Variants in ITGAE observed in about 807,000 individuals in gnomAD.
The protein encoded by ITGAE is integrin alpha-E.
In ITGAE, 99 loss-of-function variants were observed where a neutral mutation model predicts 136.5. The observed-to-expected ratio is 0.73, with a 90% CI of 0.62 to 0.86. ITGAE has a LOEUF of 0.86. Among genes scored for constraint, ITGAE ranks in the 40% least tolerant of loss-of-function variants. ITGAE has a pLI of 0.00. For synonymous variants in ITGAE, 613 were observed against 591.8 expected (o/e 1.04, Z -0.52); for missense variants, 1,447 against 1,515.3 (o/e 0.95, Z 0.75).
intron 24 of ITGAE, chr17:3,728,447 C>T: frequency 3.3e-6 from 1 of 306,720 alleles, no homozygotes; most frequent in Non-Finnish European, 6.0e-6. Context: ...GATCTCAGCT[C>T]ACTGCAACCT....
At chr17:3,731,594 G>C (rs1352705711) in intron 22 of ITGAE, among the ~76,000 whole-genome samples, 1 of 150,764 alleles carries the variant, frequency 6.6e-6, no homozygotes, top group African/African-American at 2.4e-5. Context: ...CACCCACCTC[G>C]GTCTCCCAAA....
intron 1 of ITGAE, among the ~76,000 whole-genome samples, chr17:3,777,877 C>T (rs2052581041): frequency 6.6e-6 from 1 of 152,074 alleles, no homozygotes; most frequent in Non-Finnish European, 1.5e-5. Context: ...CCCGAGCCCC[C>T]CTCCTCCAAG....
intron 30 of ITGAE, among the ~76,000 whole-genome samples, chr17:3,715,776 C>G (rs1459219075): frequency 6.6e-6 from 1 of 152,012 alleles, no homozygotes; most frequent in Non-Finnish European, 1.5e-5. Flanking sequence ...ATGGGAGGAT[C>G]ACCTGAGCCT....
chr17:3,787,589 C>G (rs1352530425), intron 1 of ITGAE, among the ~76,000 whole-genome samples: 1 of 152,072 alleles, frequency 6.6e-6, no homozygotes, highest in Non-Finnish European at 1.5e-5. Context: ...GTCTTCATGA[C>G]CATATGAACA....
intron 2 of ITGAE, among the ~76,000 whole-genome samples, chr17:3,776,351 C>T (rs2052539894): frequency 6.6e-6 from 1 of 152,006 alleles, no homozygotes; most frequent in Admixed American, 6.6e-5. Flanking sequence ...AGCCACCGCG[C>T]CCGGCAGAAC....
intron 1 of ITGAE, among the ~76,000 whole-genome samples, chr17:3,791,701 G>A (rs2052944712): frequency 6.6e-6 from 1 of 152,276 alleles, no homozygotes; most frequent in East Asian, 1.9e-4. Context: ...CGGAGATCTT[G>A]TTAAAATGCA....
chr17:3,778,516 T>C (rs961203870), intron 1 of ITGAE, among the ~76,000 whole-genome samples: 4 of 152,120 alleles, frequency 2.6e-5, no homozygotes, highest in Non-Finnish European at 5.9e-5. Flanking sequence ...TGAGCCGAGA[T>C]TGCACCGCTG....
chr17:3,755,064 A>AGGCCCCGCCCTCCTCAGGT (rs1567535479), intron 12 of ITGAE, 53 bp downstream of exon 12: 6 of 752,372 alleles, frequency 8.0e-6, no homozygotes, highest in South Asian at 1.7e-5. Flanking sequence ...GGGAGCCTCC[A>AGGCCCCGCCCTCCTCAGGT]GGCCCCGCCC....
At position 3,761,194 on chromosome 17, in the gene ITGAE, G is replaced by A. The variant is rs1265637903; in HGVS notation, c.434-17C>T. ...GGAGATTTTCTTTAAAAACACACAT[G>A]GAAGAGCTCAGAGTCAGAAAGGCTC... On this transcript the variant is annotated splice_polypyrimidine_tract_variant and intron_variant, in intron 5 of 30. Transcript: ENST00000263087. 1 of 1,608,286 alleles carries A rather than the reference G, an allele frequency of 6.2e-7. No homozygotes were observed. The highest frequency in any genetic ancestry group is 8.5e-7 in the Non-Finnish European group (1 of 1,178,024).
intron 19 of ITGAE, among the ~76,000 whole-genome samples, chr17:3,740,440 G>A (rs146907408): frequency 3.5e-4 from 54 of 152,232 alleles, no homozygotes; most frequent in African/African-American, 1.1e-3. Flanking sequence ...GCAATGGCGC[G>A]ATCTCGGCTC....
At chr17:3,782,139 G>A (rs1295634261) in intron 1 of ITGAE, among the ~76,000 whole-genome samples, 1 of 151,632 alleles carries the variant, frequency 6.6e-6, no homozygotes, top group Non-Finnish European at 1.5e-5. Flanking sequence ...GCCGGGCATG[G>A]TGGCGGGTGC....
At chr17:3,770,553 C>T (rs1331972495) in intron 2 of ITGAE, among the ~76,000 whole-genome samples, 2 of 152,156 alleles carry the variant, frequency 1.3e-5, no homozygotes, top group African/African-American at 4.8e-5. Context: ...GAGAGGCACA[C>T]GTCATTCTCA....
chr17:3,796,781 A>T (rs11078464), intron 1 of ITGAE, among the ~76,000 whole-genome samples: 105,998 of 151,866 alleles, frequency 0.7, 37,513 homozygotes, highest in Admixed American at 0.79. Flanking sequence ...CCCCCAGCAC[A>T]CCGGGCAATT....
chr17:3,723,058 T>C (rs554176794), intron 28 of ITGAE, among the ~76,000 whole-genome samples: 1 of 152,296 alleles, frequency 6.6e-6, no homozygotes, highest in African/African-American at 2.4e-5. Flanking sequence ...GACGTGGGGA[T>C]GTAGGAAAGA....
Position 3,728,024 on chromosome 17 carries a change from T to C in ITGAE, c.2979A>G (p.Val993=). ...LSHHKEFLFH[V]HGENLFGAEY... ...CTGCTCCAAAGAGGTTCTCCCCATG[T>C]ACCTGCAAATTAAAATCAGAGTAGG... Residue 993 remains valine, a splice_region_variant and synonymous_variant, in exon 26 of 31, where the codon GTA becomes GTG. Transcript: ENST00000263087. The C allele has an allele frequency of 6.2e-7, 1 of 1,613,124 alleles. No homozygotes were observed. Among genetic ancestry groups the C allele is most frequent in the East Asian group, 2.2e-5 (1 of 44,888 alleles).
At chr17:3,797,812 C>T (rs1016359336) in intron 1 of ITGAE, among the ~76,000 whole-genome samples, 3 of 152,166 alleles carry the variant, frequency 2.0e-5, no homozygotes, top group Non-Finnish European at 2.9e-5. Flanking sequence ...GTCTGCCTTC[C>T]GCAACAGCCG....
At chr17:3,742,353 A>G (rs1231301505) in intron 19 of ITGAE, among the ~76,000 whole-genome samples, 2 of 152,196 alleles carry the variant, frequency 1.3e-5, no homozygotes, top group African/African-American at 4.8e-5. Flanking sequence ...AAGTTTGTAA[A>G]TTAGATAATA....
intron 1 of ITGAE, among the ~76,000 whole-genome samples, chr17:3,788,368 C>T (rs1184357219): frequency 6.6e-6 from 1 of 151,582 alleles, no homozygotes; most frequent in Non-Finnish European, 1.5e-5. Context: ...CAGTTCACTG[C>T]AGCCTCAACT....
chr17:3,799,938 G>A lies in ITGAE; in HGVS notation c.34+1173C>T, dbSNP rs1298948550. Among the ~76,000 whole-genome samples, 1 of 152,102 alleles carries A rather than the reference G, an allele frequency of 6.6e-6. No homozygotes were observed. The highest frequency in any genetic ancestry group is 1.5e-5 in the Non-Finnish European group (1 of 67,998). Reference sequence around the variant, plus strand: ...GCAGGAGACCAGCCTGACCAATATGGTGAGACCCTGTCTCTACTAAAAATA... The same window carrying A: ...GCAGGAGACCAGCCTGACCAATATGATGAGACCCTGTCTCTACTAAAAATA... On this transcript the variant is annotated intron_variant, in intron 1 of 30. Transcript: ENST00000263087. This position sits in a 1 kb window ranked among gnomAD's most constrained non-coding sequence, Gnocchi z 4.1.
Sources: allele counts gnomAD v4.1 joint callset (sites outside exome capture counted in the v4.1 genomes callset), GRCh38; gene constraint gnomAD v4.1.1; non-coding constraint Gnocchi (gnomAD v3.1); transcripts MANE v1.5; gene names NCBI Gene and HGNC (gene_info 2026-07-23, HGNC 2026-07-21).